ANO3: variants seen among roughly 807,000 people sequenced by gnomAD.
ANO3 encodes anoctamin-3.
In ANO3, 99 loss-of-function variants were observed where a neutral mutation model predicts 144.8. The ratio of observed to expected loss-of-function variants is 0.68; its 90% CI spans 0.58 to 0.81. The LOEUF is 0.81. Among genes scored for constraint, ANO3 ranks in the 30% least tolerant of loss-of-function variants. ANO3 has a pLI of 0.00. For missense variants in ANO3, 905 were observed against 1,202.2 expected (o/e 0.75, Z 3.66); for synonymous variants, 414 against 392.6 (o/e 1.05, Z -0.64).
chr11:26,343,187 C>T (rs1011669492), intron 1 of ANO3, among the ~76,000 whole-genome samples: 1 of 152,268 alleles, frequency 6.6e-6, no homozygotes, highest in Non-Finnish European at 1.5e-5. Flanking sequence ...TCTATAAGTT[C>T]AACTTTCTTA....
intron 7 of ANO3, among the ~76,000 whole-genome samples, chr11:26,528,195 G>A (rs900712549): frequency 2.0e-5 from 3 of 152,108 alleles, no homozygotes; most frequent in Non-Finnish European, 1.5e-5. Context: ...AACACGTATT[G>A]AGTACTTACT....
chr11:26,313,823 G>A (rs1190428470), intron 1 of ANO3, among the ~76,000 whole-genome samples: 1 of 150,464 alleles, frequency 6.6e-6, no homozygotes, highest in Non-Finnish European at 1.5e-5. Context: ...TATGCTTTTT[G>A]TGATTACATT....
intron 1 of ANO3, among the ~76,000 whole-genome samples, chr11:26,386,140 A>C (rs1484807523): frequency 6.6e-6 from 1 of 152,128 alleles, no homozygotes; most frequent in African/African-American, 2.4e-5. Context: ...CGAAGTGAGA[A>C]TATATTCAGA....
intron 1 of ANO3, among the ~76,000 whole-genome samples, chr11:26,252,553 T>C (rs77220266): frequency 0.018 from 2,788 of 152,300 alleles, 71 homozygotes; most frequent in East Asian, 0.13. Flanking sequence ...TAGTGAATGA[T>C]ATTGACCACC....
chr11:26,518,934 A>G (rs1861963259), intron 6 of ANO3, among the ~76,000 whole-genome samples: 2 of 152,150 alleles, frequency 1.3e-5, no homozygotes, highest in Non-Finnish European at 2.9e-5. Flanking sequence ...ACAAAAGTAT[A>G]TATTTTCCAC....
intron 12 of ANO3, among the ~76,000 whole-genome samples, chr11:26,550,703 G>A (rs528313925): frequency 6.6e-6 from 1 of 151,994 alleles, no homozygotes; most frequent in African/African-American, 2.4e-5. Context: ...CCAAATATTG[G>A]ATATTTTTAA....
intron 1 of ANO3, among the ~76,000 whole-genome samples, chr11:26,433,106 T>C (rs759250125): frequency 1.3e-5 from 2 of 152,174 alleles, no homozygotes; most frequent in Non-Finnish European, 2.9e-5. Flanking sequence ...GATGTAGAGA[T>C]CTTTCACCTC....
chr11:26,250,497 T>C (rs1485297650), intron 1 of ANO3, among the ~76,000 whole-genome samples: 1 of 152,226 alleles, frequency 6.6e-6, no homozygotes, highest in Non-Finnish European at 1.5e-5. Flanking sequence ...TTCTATTACC[T>C]GAGGCTTATG....
intron 1 of ANO3, among the ~76,000 whole-genome samples, chr11:26,416,783 C>G (rs1460384527): frequency 6.6e-6 from 1 of 151,964 alleles, no homozygotes; most frequent in Admixed American, 6.6e-5. Context: ...TATAAAATAA[C>G]AGCAAATCTA....
intron 18 of ANO3, among the ~76,000 whole-genome samples, chr11:26,628,872 C>G (rs775049267): frequency 1.6e-4 from 25 of 152,200 alleles, no homozygotes; most frequent in Non-Finnish European, 2.9e-4. Context: ...CAGCCTTCTT[C>G]TCCTCTATGT....
chr11:26,228,599 GC>G (rs1852307253), intron 1 of ANO3, among the ~76,000 whole-genome samples: 2 of 152,108 alleles, frequency 1.3e-5, no homozygotes, highest in South Asian at 4.1e-4. Context: ...AAGAAGTTGA[GC>G]CGCTGCATTG....
At chr11:26,585,717 A>G (rs1358612312) in intron 14 of ANO3, among the ~76,000 whole-genome samples, 2 of 152,174 alleles carry the variant, frequency 1.3e-5, no homozygotes, top group Non-Finnish European at 2.9e-5. Context: ...ACAGAGTATG[A>G]GTATTAGAGT....
rs746641466 is a variant in ANO3 at position 26,641,999 on chromosome 11, C to T, written c.2245C>T (p.His749Tyr). The T allele has an allele frequency of 1.2e-6, 2 of 1,613,752 alleles. No individual in the cohort carries two copies. ...NDWNLQPMNL[H>Y]GLMDEYLEMV... is the part of the protein sequence containing the mutation. ...TTGGAATCTGCAGCCCATGAACCTT[C>T]ATGGACTGATGGATGAGTACTTAGA... Residue 749 changes from histidine to tyrosine, a missense_variant, in exon 22 of 27, where the codon CAT becomes TAT. His to Tyr is a moderately conservative substitution (Grantham distance 83, BLOSUM62 2). This residue lies in a region of ANO3 where 597 missense variants were observed against 865.1 expected (regional missense o/e 0.69). Transcript: ENST00000256737.
intron 14 of ANO3, among the ~76,000 whole-genome samples, chr11:26,563,446 A>C (rs965465653): frequency 1.3e-5 from 2 of 148,214 alleles, no homozygotes; most frequent in African/African-American, 5.0e-5. Context: ...GTAAAGTACT[A>C]TTTGGGATAT....
chr11:26,654,576 C>G (rs997716011), intron 24 of ANO3, among the ~76,000 whole-genome samples: 1 of 151,836 alleles, frequency 6.6e-6, no homozygotes, highest in Non-Finnish European at 1.5e-5. Context: ...TATATTGTTT[C>G]TTTATGTTAA....
At chr11:26,565,937 T>C (rs2134270271) in intron 14 of ANO3, 1 of 1,475,168 alleles carries the variant, frequency 6.8e-7, no homozygotes, top group African/African-American at 1.4e-5. Context: ...TTAAATAAAA[T>C]ACTCTGAGTT....
At chr11:26,450,020 C>T (rs145900793) in intron 3 of ANO3, among the ~76,000 whole-genome samples, 3 of 152,176 alleles carry the variant, frequency 2.0e-5, no homozygotes, top group African/African-American at 2.4e-5. Flanking sequence ...CCTCCCAAAG[C>T]GCTGGGATTT....
In ANO3 at chr11:26,293,276, A is replaced by G. The variant is rs1322848605; in HGVS notation, c.155-16369A>G. Among the ~76,000 whole-genome samples, 3 of 152,028 alleles carry G rather than the reference A, an allele frequency of 2.0e-5. No individual in the cohort carries two copies. In the East Asian group the frequency reaches 5.8e-4, roughly 29 times the overall value. The stretch of plus-strand genomic sequence containing the variant: ...AGGCATACAGGATCTAATTAACATA[A>G]TACAATGTTTTCAAAGAATTTTTGA... On this transcript the variant is annotated intron_variant, in intron 1 of 27. Transcript: ENST00000672621.
At chr11:26,573,762 C>T (rs548316594) in intron 14 of ANO3, among the ~76,000 whole-genome samples, 1 of 152,154 alleles carries the variant, frequency 6.6e-6, no homozygotes, top group Admixed American at 6.6e-5. Context: ...TCCTTACAAT[C>T]ATAATCAATT....
Sources: gnomAD v4.1 joint callset for allele counts (sites outside exome capture counted in the v4.1 genomes callset) on GRCh38, gnomAD v4.1.1 for gene constraint, gnomAD v4.1.1 regional missense constraint, MANE v1.5 for transcripts, NCBI Gene and HGNC (gene_info 2026-07-23, HGNC 2026-07-21) for gene names.